ADAMTS2: variants seen among roughly 807,000 people sequenced by gnomAD.
The protein encoded by ADAMTS2 is ADAM metallopeptidase with thrombospondin type 1 motif 2.
ADAMTS2 carries 50 observed loss-of-function variants against 123.0 expected under a neutral mutation model. The observed-to-expected ratio is 0.41, with a 90% confidence interval of 0.32 to 0.51. The LOEUF is 0.51. Among genes scored for constraint, ADAMTS2 ranks in the 20% least tolerant of loss-of-function variants. The pLI is 0.35. For missense variants in ADAMTS2, 1,494 were observed against 1,705.2 expected (o/e 0.88, Z 2.18); for synonymous variants, 678 against 695.4 (o/e 0.98, Z 0.39).
rs1244807905 is a variant in ADAMTS2 at position 179,155,291 on chromosome 5, T to C, written c.1133-372A>G. ...TCTGCCCCCTGCCTGCCTCACTGAG[T>C]GGCCCCTGAGCAGCACCTGCTTCCA... On this transcript the variant is annotated intron_variant, in intron 6 of 21. Transcript: ENST00000251582. The surrounding 1 kb of genome is among the most constrained non-coding windows in gnomAD (Gnocchi z 5.1). Among the ~76,000 whole-genome samples the C allele has an allele frequency of 6.6e-6, 1 of 152,156 alleles. No individual in the cohort carries two copies. The highest frequency in any genetic ancestry group is 6.5e-5 in the Admixed American group (1 of 15,282).
At chr5:179,205,662 G>A (rs1436237858) in intron 4 of ADAMTS2, among the ~76,000 whole-genome samples, 1 of 152,196 alleles carries the variant, frequency 6.6e-6, no homozygotes, top group African/African-American at 2.4e-5. Flanking sequence ...CTAGCATGAG[G>A]ACTTCCCAAG....
At position 179,149,242 on chromosome 5, in the gene ADAMTS2, C is replaced by T. The variant is rs141860824; in HGVS notation, c.1629+2900G>A. Among the ~76,000 whole-genome samples, 1,422 of 152,226 alleles carry T rather than the reference C, an allele frequency of 9.3e-3. 11 individuals carry two copies. The highest frequency in any genetic ancestry group is 0.014 in the Non-Finnish European group (982 of 67,990). On this transcript the variant is annotated intron_variant, in intron 10 of 21. Transcript: ENST00000251582. ...GGACTGATGTCCTCATGAGAAGAGA[C>T]CTGAGAGAGATGCCCTCTCTCCCTG...
intron 3 of ADAMTS2, among the ~76,000 whole-genome samples, chr5:179,220,464 C>A (rs1283112526): frequency 6.6e-6 from 1 of 152,160 alleles, no homozygotes; most frequent in East Asian, 1.9e-4. Flanking sequence ...TCAGGTACCT[C>A]ACACTCAGAA....
intron 10 of ADAMTS2, among the ~76,000 whole-genome samples, chr5:179,147,845 A>G (rs1266058249): frequency 2.0e-5 from 3 of 152,222 alleles, no homozygotes; most frequent in Non-Finnish European, 4.4e-5. Context: ...GGAGAATTGT[A>G]TCAATGAGAA....
intron 2 of ADAMTS2, among the ~76,000 whole-genome samples, chr5:179,316,627 C>T (rs1757004737): frequency 6.6e-6 from 1 of 152,232 alleles, no homozygotes. Flanking sequence ...CAGGGCAGAG[C>T]AGGCACGGAG....
Position 179,113,516 on chromosome 5 carries a change from A to C in ADAMTS2, c.*351T>G. On this transcript the variant is annotated 3_prime_UTR_variant, in exon 22 of 22. Transcript: ENST00000251582. ...GAATGTCATGCATCTCCGCCAAGGA[A>C]AGGAAGGTTCCCAATCACTGCTTAG... 2 of 331,120 alleles carry C rather than the reference A, an allele frequency of 6.0e-6. No individual in the cohort carries two copies. The highest frequency in any genetic ancestry group is 2.1e-5 in the African/African-American group (1 of 47,524). 20.5% of individuals were successfully genotyped at this position (331,120 alleles called of 1,614,324 possible).
chr5:179,345,424 C>G lies in ADAMTS2; in HGVS notation c.-96G>C. 1 of 1,003,616 alleles carries G rather than the reference C, an allele frequency of 1.0e-6. No homozygotes were observed. The highest frequency in any genetic ancestry group is 1.2e-6 in the Non-Finnish European group (1 of 835,680). The allele number at this position is 1,003,616 out of a possible 1,614,324, so 62.2% of individuals were successfully genotyped here. ...ACATCTGGGGGCAGCTGGAGCCGCCCGCAGCTGCAGCACCGCAGGGCGCGG... is the reference window on the plus strand; with the variant it reads ...ACATCTGGGGGCAGCTGGAGCCGCCGGCAGCTGCAGCACCGCAGGGCGCGG... On this transcript the variant is annotated 5_prime_UTR_variant, in exon 1 of 22. Coordinates refer to ENST00000251582, the MANE Select transcript of ADAMTS2 (RefSeq NM_014244.5). This position sits in a 1 kb window ranked among gnomAD's most constrained non-coding sequence, Gnocchi z 7.5.
intron 2 of ADAMTS2, among the ~76,000 whole-genome samples, chr5:179,284,174 C>G (rs1225502224): frequency 2.7e-5 from 4 of 150,126 alleles, no homozygotes; most frequent in African/African-American, 7.3e-5. Context: ...ACTAAAAACA[C>G]AAAAATTAGC....
chr5:179,158,693 C>T lies in ADAMTS2; in HGVS notation c.1132+30G>A, dbSNP rs888147477. 3 of 1,613,818 alleles carry T rather than the reference C, an allele frequency of 1.9e-6. No homozygotes were observed. Among genetic ancestry groups the T allele is most frequent in the African/African-American group, 1.3e-5 (1 of 74,948 alleles). The stretch of plus-strand genomic sequence containing the variant: ...CCAGGGGCTCATTTCCAGCTTCACG[C>T]CTCTGTGGCCCTGCATGGGTGAGGC... On this transcript the variant is annotated intron_variant, in intron 6 of 21. Transcript: ENST00000251582. The surrounding 1 kb of genome is among the most constrained non-coding windows in gnomAD (Gnocchi z 5.0).
rs1762591859 is a variant in ADAMTS2 at position 179,112,799 on chromosome 5, G to C, written c.*1068C>G. 6.6e-6 allele frequency: 1 copy of C among 152,300 alleles called. No homozygotes were observed. Among genetic ancestry groups the C allele is most frequent in the East Asian group, 1.9e-4 (1 of 5,192 alleles). The allele number at this position is 152,300 out of a possible 1,614,324, so 9.4% of individuals were successfully genotyped here. On this transcript the variant is annotated 3_prime_UTR_variant, in exon 22 of 22. Transcript: ENST00000251582. ...CATCTTTCTCAGGTACTTGGGGAGGGAAGAGGCTCTCTGGGGAGCCCTGGA... is the reference window on the plus strand; with the variant it reads ...CATCTTTCTCAGGTACTTGGGGAGGCAAGAGGCTCTCTGGGGAGCCCTGGA...
chr5:179,222,768 G>T (rs546370981), intron 3 of ADAMTS2, among the ~76,000 whole-genome samples: 1 of 152,010 alleles, frequency 6.6e-6, no homozygotes, highest in Non-Finnish European at 1.5e-5. Flanking sequence ...CAGAGGTGAC[G>T]TGGCTGCCAT....
At chr5:179,329,869 G>A (rs1168793702) in intron 2 of ADAMTS2, among the ~76,000 whole-genome samples, 1 of 152,160 alleles carries the variant, frequency 6.6e-6, no homozygotes, top group African/African-American at 2.4e-5. Flanking sequence ...GCTCACGCCT[G>A]TAATCCCAGC....
At chr5:179,153,410 C>A (rs1264207477) in intron 9 of ADAMTS2, 81 bp downstream of exon 9, 46 of 1,590,052 alleles carry the variant, frequency 2.9e-5, no homozygotes, top group Non-Finnish European at 3.7e-5. Context: ...CCGGTCCTCA[C>A]ACTGTCCCGG....
At chr5:179,255,756 G>GGGGT in intron 3 of ADAMTS2, among the ~76,000 whole-genome samples, 1 of 152,300 alleles carries the variant, frequency 6.6e-6, no homozygotes, top group East Asian at 1.9e-4. Flanking sequence ...CCCCCAAGCA[G>GGGGT]GGGTGGCACG....
intron 2 of ADAMTS2, among the ~76,000 whole-genome samples, chr5:179,274,760 G>C (rs1340863089): frequency 6.6e-6 from 1 of 152,244 alleles, no homozygotes; most frequent in Non-Finnish European, 1.5e-5. Context: ...AGGGAGGCTG[G>C]AGATGCCTCC....
At position 179,303,300 on chromosome 5, in the gene ADAMTS2, T is replaced by A. The variant is rs1756582274; in HGVS notation, c.535-30236A>T. On this transcript the variant is annotated intron_variant, in intron 2 of 21. Transcript: ENST00000251582. The surrounding 1 kb of genome is among the most constrained non-coding windows in gnomAD (Gnocchi z 4.7). ...ACATAGAGAGGTCCCTAGGAGAAGG[T>A]TCAGGTTCCAGTAGGATGGTGTGAG... Among the ~76,000 whole-genome samples, 1 of 152,142 alleles carries A rather than the reference T, an allele frequency of 6.6e-6. No individual in the cohort carries two copies.
At chr5:179,183,984 G>C (rs889218136) in intron 4 of ADAMTS2, among the ~76,000 whole-genome samples, 1 of 152,156 alleles carries the variant, frequency 6.6e-6, no homozygotes, top group African/African-American at 2.4e-5. Context: ...TCCTCACTGG[G>C]GAATGACCCA....
At position 179,115,313 on chromosome 5, in the gene ADAMTS2, T is replaced by C. The variant is rs1472316252; in HGVS notation, c.3179-989A>G. Among the ~76,000 whole-genome samples, 2 of 152,142 alleles carry C rather than the reference T, an allele frequency of 1.3e-5. No homozygotes were observed. The highest frequency in any genetic ancestry group is 2.9e-5 in the Non-Finnish European group (2 of 68,010). ...TACTCTCTGTCTCCTTCCCAAGTTT[T>C]CACCCCTTCCCTCTCCCCATCCCCT... On this transcript the variant is annotated intron_variant, in intron 21 of 21. Coordinates refer to ENST00000251582, the MANE Select transcript of ADAMTS2 (RefSeq NM_014244.5). This position sits in a 1 kb window ranked among gnomAD's most constrained non-coding sequence, Gnocchi z 4.4.
intron 2 of ADAMTS2, among the ~76,000 whole-genome samples, chr5:179,293,432 G>A (rs534119940): frequency 1.7e-4 from 26 of 152,072 alleles, no homozygotes; most frequent in African/African-American, 5.6e-4. Flanking sequence ...AGAGCCGTGC[G>A]CTGAGCTAGA....
Sources: gnomAD v4.1 joint callset for allele counts (sites outside exome capture counted in the v4.1 genomes callset) on GRCh38, gnomAD v4.1.1 for gene constraint, Gnocchi (gnomAD v3.1) non-coding constraint, MANE v1.5 for transcripts, NCBI Gene and HGNC (gene_info 2026-07-23, HGNC 2026-07-21) for gene names.